ASH1L: variants seen among roughly 807,000 people sequenced by gnomAD.
ASH1L encodes the protein ASH1 like histone lysine methyltransferase.
Under a neutral mutation model 269.0 loss-of-function variants are expected in ASH1L, and 23 were observed. That is an observed-to-expected ratio of 0.09 (90% CI 0.06 to 0.12). The LOEUF (loss-of-function observed/expected upper bound fraction) is 0.12, where lower values mean the gene tolerates loss of function less well. Ranked by LOEUF, ASH1L falls within the 10% of genes least tolerant of loss-of-function variation. The pLI is 1.00. For missense variants in ASH1L, 2,912 were observed against 3,567.8 expected, an observed-to-expected ratio of 0.82 and a Z score of 4.68; for synonymous variants, 1,187 against 1,253.5, an observed-to-expected ratio of 0.95 and a Z score of 1.12.
Position 155,559,479 on chromosome 1 carries a change from G to A in ASH1L, c.-100+2674C>T, listed in dbSNP as rs1261818241. 7.1e-5 allele frequency among the ~76,000 whole-genome samples: 10 copies of A among 141,638 alleles called. No homozygotes were observed. The Admixed American group carries it at 7.6e-4, about 11-fold the overall frequency. 92.9% of individuals were successfully genotyped at this position (141,638 alleles called of 152,430 possible). On this transcript the variant is annotated intron_variant, in intron 1 of 27. Transcript: ENST00000392403. ...GAACCCAGGAGGCAGAGGTTGCAGT[G>A]AATTGAGATAGCGCCACTGCACTCC...
chr1:155,406,669 C>A (rs1372579553), intron 6 of ASH1L, among the ~76,000 whole-genome samples: 5 of 152,078 alleles, frequency 3.3e-5, no homozygotes, highest in Non-Finnish European at 7.4e-5. Flanking sequence ...CCACTATACT[C>A]CAGGCTGGGC....
chr1:155,421,328 T>TG (rs1003361590), intron 5 of ASH1L, among the ~76,000 whole-genome samples: 6 of 147,726 alleles, frequency 4.1e-5, no homozygotes, highest in Non-Finnish European at 7.5e-5. Flanking sequence ...TTTTTTTTTT[T>TG]TTTTTTTTTT....
Position 155,357,588 on chromosome 1 carries a change from T to C in ASH1L, c.6957A>G (p.Lys2319=), listed in dbSNP as rs1360069397. ...AAGTCATTAGATAATTATTCACCCT[T>C]TTCTTCAGCTTGTGCTTAGACTTTC... ...EKRKSKHKLK[K]RRGHLSEEPS... Residue 2319 remains lysine (K), a synonymous_variant, in exon 14 of 28, where the codon AAA becomes AAG. Transcript: ENST00000392403. 1.1e-5 allele frequency: 18 copies of C among 1,614,094 alleles called. No homozygotes were observed. The highest frequency in any genetic ancestry group is 1.5e-5 in the Non-Finnish European group (18 of 1,180,010).
At chr1:155,495,344 C>T (rs1259698161) in intron 2 of ASH1L, among the ~76,000 whole-genome samples, 1 of 152,076 alleles carries the variant, frequency 6.6e-6, no homozygotes, top group African/African-American at 2.4e-5. Context: ...ATATAGCCTG[C>T]CACACACCTA....
chr1:155,543,749 T>G (rs1170923777), intron 1 of ASH1L, among the ~76,000 whole-genome samples: 1 of 151,504 alleles, frequency 6.6e-6, no homozygotes, highest in Admixed American at 6.6e-5. Flanking sequence ...CTGGGCAACA[T>G]AGTGAGACCC....
At chr1:155,512,448 C>CG (rs1668223877) in intron 2 of ASH1L, among the ~76,000 whole-genome samples, 2 of 93,720 alleles carry the variant, frequency 2.1e-5, no homozygotes, top group South Asian at 9.2e-4. Context: ...GGATCTTAGA[C>CG]TTTTTTTTTT....
chr1:155,407,180 G>A (rs1352183141), intron 6 of ASH1L, among the ~76,000 whole-genome samples: 4 of 151,978 alleles, frequency 2.6e-5, no homozygotes, highest in East Asian at 3.9e-4. Flanking sequence ...CCAAGATTGC[G>A]CCACTGCACT....
At chr1:155,460,406 G>C (rs1415952497) in intron 3 of ASH1L, among the ~76,000 whole-genome samples, 3 of 152,172 alleles carry the variant, frequency 2.0e-5, no homozygotes, top group Non-Finnish European at 4.4e-5. Flanking sequence ...TCAAGAGTTT[G>C]AGACCAGCCT....
At chr1:155,472,661 G>A (rs1445658044) in intron 3 of ASH1L, among the ~76,000 whole-genome samples, 1 of 152,098 alleles carries the variant, frequency 6.6e-6, no homozygotes, top group Non-Finnish European at 1.5e-5. Context: ...AAGAATACAA[G>A]CAGCAATGAA....
chr1:155,389,486 A>T (rs1657725438), intron 7 of ASH1L, among the ~76,000 whole-genome samples: 1 of 152,032 alleles, frequency 6.6e-6, no homozygotes, highest in Non-Finnish European at 1.5e-5. Context: ...CAGCCTGGGC[A>T]ACATGGTGAA....
intron 3 of ASH1L, among the ~76,000 whole-genome samples, chr1:155,476,868 T>C (rs1267824897): frequency 6.6e-6 from 1 of 151,944 alleles, no homozygotes; most frequent in Non-Finnish European, 1.5e-5. Context: ...CACAAGTTTT[T>C]AATCTTTTAG....
intron 2 of ASH1L, among the ~76,000 whole-genome samples, chr1:155,486,869 G>GA (rs1002012335): frequency 4.2e-4 from 62 of 146,264 alleles, no homozygotes; most frequent in African/African-American, 1.5e-3. Context: ...AAAAAAAAAA[G>GA]AAAAAAAAAG....
At chr1:155,541,265 G>A (rs1035969200) in intron 1 of ASH1L, among the ~76,000 whole-genome samples, 3 of 151,868 alleles carry the variant, frequency 2.0e-5, no homozygotes, top group African/African-American at 4.8e-5. Flanking sequence ...ATTTTAAAAC[G>A]TGTATATAGA....
At chr1:155,445,864 GTGTGTGTGTGTT>G (rs1457457530) in intron 4 of ASH1L, among the ~76,000 whole-genome samples, 4 of 151,580 alleles carry the variant, frequency 2.6e-5, no homozygotes, top group Non-Finnish European at 4.4e-5. Context: ...CATAGATTGT[GTGTGTGTGTGTT>G]TGTGTGTGTG....
At chr1:155,494,375 T>C (rs1435529516) in intron 2 of ASH1L, among the ~76,000 whole-genome samples, 1 of 152,200 alleles carries the variant, frequency 6.6e-6, no homozygotes, top group Non-Finnish European at 1.5e-5. Context: ...GAGGAAGCCA[T>C]TCGAAGATTT....
intron 4 of ASH1L, among the ~76,000 whole-genome samples, chr1:155,456,359 T>A (rs913882538): frequency 6.6e-6 from 1 of 152,194 alleles, no homozygotes; most frequent in African/African-American, 2.4e-5. Context: ...CAGACTATTT[T>A]TTCTTATTTT....
chr1:155,389,187 TA>T (rs1382501788), intron 7 of ASH1L, among the ~76,000 whole-genome samples: 2 of 150,294 alleles, frequency 1.3e-5, no homozygotes, highest in East Asian at 4.0e-4. Flanking sequence ...TTTCTATTTT[TA>T]GTAGAGACCA....
intron 5 of ASH1L, among the ~76,000 whole-genome samples, chr1:155,431,261 T>C (rs1661577395): frequency 6.6e-6 from 1 of 151,152 alleles, no homozygotes; most frequent in Non-Finnish European, 1.5e-5. Flanking sequence ...CATTATAAGA[T>C]ACATATTTTT....
At chr1:155,346,338 C>T (rs60981924) in intron 21 of ASH1L, 45 bp downstream of exon 21, 4 of 1,584,250 alleles carry the variant, frequency 2.5e-6, no homozygotes, top group South Asian at 1.1e-5. Context: ...CCATGTGCTA[C>T]CTCTCCTACT....
Sources: allele counts gnomAD v4.1 joint callset (sites outside exome capture counted in the v4.1 genomes callset), GRCh38; gene constraint gnomAD v4.1.1; transcripts MANE v1.5; gene names NCBI Gene and HGNC (gene_info 2026-07-23, HGNC 2026-07-21).